The following ANKS1B variants were observed in gnomAD, a reference collection of about 807,000 sequenced individuals.
ANKS1B encodes the protein ankyrin repeat and sterile alpha motif domain containing 1B.
A neutral mutation model predicts 148.3 loss-of-function variants in ANKS1B; 36 were observed. The observed-to-expected ratio is 0.24, with a 90% confidence interval of 0.19 to 0.32. The LOEUF is 0.32. Among genes scored for constraint, ANKS1B ranks in the 10% least tolerant of loss-of-function variants. The pLI, the probability that ANKS1B is intolerant of heterozygous loss-of-function variation, is 1.00. For synonymous variants in ANKS1B, 542 were observed against 560.8 expected (o/e 0.97, Z 0.47); for missense variants, 1,157 against 1,542.6 (o/e 0.75, Z 4.19).
rs114199221 is a variant in ANKS1B at position 99,831,315 on chromosome 12, C to G, written c.135-5926G>C. ...GTCAATAATATTCAGTAATGGTTAG[C>G]ATGCAGAGCTTATAATAAGCTGGTG... On this transcript the variant is annotated intron_variant, in intron 1 of 26. Transcript: ENST00000683438. 7.9e-3 allele frequency among the ~76,000 whole-genome samples: 1,196 copies of G among 151,104 alleles called. 16 individuals carry two copies. The highest frequency in any genetic ancestry group is 0.027 in the African/African-American group (1,130 of 41,158).
intron 25 of ANKS1B, among the ~76,000 whole-genome samples, chr12:98,764,663 A>G: frequency 6.6e-6 from 1 of 152,192 alleles, no homozygotes. Flanking sequence ...GCAAATATAA[A>G]TGGCTTTTCC....
At chr12:99,892,860 A>C (rs866509010) in intron 1 of ANKS1B, among the ~76,000 whole-genome samples, 4 of 152,188 alleles carry the variant, frequency 2.6e-5, no homozygotes, top group Non-Finnish European at 5.9e-5. Flanking sequence ...TACAGATTGA[A>C]TATAGAGACT....
intron 8 of ANKS1B, among the ~76,000 whole-genome samples, chr12:99,753,545 T>C (rs975198245): frequency 6.6e-6 from 1 of 152,140 alleles, no homozygotes; most frequent in African/African-American, 2.4e-5. Flanking sequence ...GTAACAGTCT[T>C]TCCTTTTCAT....
chr12:99,812,562 G>GAC, intron 2 of ANKS1B, among the ~76,000 whole-genome samples: 1 of 43,256 alleles, frequency 2.3e-5, no homozygotes, highest in African/African-American at 1.1e-4. Context: ...CACACACAGA[G>GAC]AGAGAGAGAG....
In ANKS1B at chr12:98,755,266, G is replaced by A. The variant is rs58615510; in HGVS notation, c.3580-3744C>T. On this transcript the variant is annotated intron_variant, in intron 25 of 26. Coordinates refer to ENST00000683438, the MANE Select transcript of ANKS1B (RefSeq NM_001352186.2). ...CGGGAGGAGAGTTGCTATCATGTAC[G>A]AGGAGACTCTACCGGGATGAGGTTG... is the stretch of plus-strand genomic sequence containing the variant. Among the ~76,000 whole-genome samples the A allele has an allele frequency of 1.9e-3, 289 of 152,266 alleles. 4 individuals are homozygous for A. The East Asian group carries it at 0.045, about 24-fold the overall frequency.
chr12:99,058,973 G>C lies in ANKS1B; in HGVS notation c.2626-5664C>G, dbSNP rs181518346. Among the ~76,000 whole-genome samples the C allele has an allele frequency of 6.3e-3, 954 of 151,542 alleles. 15 individuals are homozygous for C. Among genetic ancestry groups the C allele is most frequent in the African/African-American group, 0.022 (911 of 41,310 alleles). Reference sequence around the variant, plus strand: ...AGGATGGTCTCGATCTCCTGACCTCGTGATCCGCCCGCCTCGGCCTCCCAA... The same window carrying C: ...AGGATGGTCTCGATCTCCTGACCTCCTGATCCGCCCGCCTCGGCCTCCCAA... On this transcript the variant is annotated intron_variant, in intron 16 of 26. Transcript: ENST00000683438.
intron 8 of ANKS1B, among the ~76,000 whole-genome samples, chr12:99,710,060 A>G (rs988635585): frequency 5.9e-5 from 9 of 152,114 alleles, no homozygotes; most frequent in Admixed American, 2.0e-4. Context: ...CATTTTCCGT[A>G]TTATAGTATC....
intron 3 of ANKS1B, among the ~76,000 whole-genome samples, 168 bp from the exon 4 acceptor site, chr12:99,806,868 C>A (rs1298822349): frequency 1.4e-5 from 2 of 144,650 alleles, no homozygotes; most frequent in South Asian, 2.1e-4. Context: ...ATCTAGGATT[C>A]ATTGAATCAA....
rs564898228 is a variant in ANKS1B, at chr12:99,976,156, T to C, written c.134+7948A>G. 2.0e-5 allele frequency among the ~76,000 whole-genome samples: 3 copies of C among 152,202 alleles called. No homozygotes were observed. In the South Asian group the frequency reaches 6.2e-4, roughly 32 times the overall value. On this transcript the variant is annotated intron_variant, in intron 1 of 26. Transcript: ENST00000683438. The stretch of plus-strand genomic sequence containing the variant: ...GTGGGAGCTAAATATAAAGCATATG[T>C]GGACATAAATAAGGGAACGAAAGAC...
chr12:99,732,581 G>A (rs2059266592), intron 8 of ANKS1B, among the ~76,000 whole-genome samples: 1 of 152,144 alleles, frequency 6.6e-6, no homozygotes, highest in Non-Finnish European at 1.5e-5. Flanking sequence ...GCCTCAGGGT[G>A]GGACTGTTGT....
At chr12:99,203,892 G>A (rs2082347442) in intron 14 of ANKS1B, among the ~76,000 whole-genome samples, 1 of 152,168 alleles carries the variant, frequency 6.6e-6, no homozygotes, top group Non-Finnish European at 1.5e-5. Flanking sequence ...TCAGGCCTGA[G>A]TCTTATTAAT....
chr12:98,871,712 A>G lies in ANKS1B; in HGVS notation c.2779-39576T>C, dbSNP rs555489374. Among the ~76,000 whole-genome samples, 6 of 152,320 alleles carry G rather than the reference A, an allele frequency of 3.9e-5. No homozygotes were observed. In the South Asian group the frequency reaches 1.0e-3, roughly 26 times the overall value. On this transcript the variant is annotated intron_variant, in intron 17 of 26. Transcript: ENST00000683438. ...GAGCTGTTTTTTTTTAATTAAAAAA[A>G]CCATATTCTTTATCTACATCTAGAT...
At chr12:98,854,610 T>C (rs2099552086) in intron 17 of ANKS1B, among the ~76,000 whole-genome samples, 1 of 152,254 alleles carries the variant, frequency 6.6e-6, no homozygotes, top group African/African-American at 2.4e-5. Flanking sequence ...CTTAATTGTT[T>C]AGAATATCAT....
intron 12 of ANKS1B, among the ~76,000 whole-genome samples, chr12:99,393,933 C>G (rs1328050871): frequency 2.6e-5 from 4 of 152,180 alleles, no homozygotes; most frequent in African/African-American, 9.7e-5. Context: ...AGCAAAACCA[C>G]AACCTATGTA....
chr12:98,743,379 CAATT>C (rs2097819807), downstream of ANKS1B, among the ~76,000 whole-genome samples: 1 of 152,096 alleles, frequency 6.6e-6, no homozygotes, highest in Non-Finnish European at 1.5e-5. Flanking sequence ...TAATAAGAAA[CAATT>C]AAATGGAGTA....
rs755547595 is a variant in ANKS1B, at chr12:99,246,621, T to C, written c.2000A>G (p.Lys667Arg). 1 of 1,613,464 alleles carries C rather than the reference T, an allele frequency of 6.2e-7. No individual in the cohort carries two copies. The highest frequency in any genetic ancestry group is 1.3e-5 in the African/African-American group (1 of 74,872). The part of the protein sequence containing the change: ...SEPLVKKIKP[K>R]VVSRTIFHKK... ...GTGAAAAATTGTTCTACTGACCACT[T>C]TGGGTTTAATTTTCTTTACCAAAGG... is the stretch of plus-strand genomic sequence containing the variant. Residue 667 changes from lysine to arginine, a missense_variant, in exon 13 of 27, where the codon AAA (lysine) becomes AGA (arginine). Lys to Arg is a conservative substitution (Grantham distance 26, BLOSUM62 2). Coordinates refer to ENST00000683438, the MANE Select transcript of ANKS1B (RefSeq NM_001352186.2).
At chr12:98,965,245 C>T (rs2099876840) in intron 17 of ANKS1B, among the ~76,000 whole-genome samples, 1 of 152,178 alleles carries the variant, frequency 6.6e-6, no homozygotes, top group Non-Finnish European at 1.5e-5. Flanking sequence ...CTCATGATTG[C>T]CTAGGTTCAA....
At chr12:99,704,928 A>G (rs1237282684) in intron 8 of ANKS1B, among the ~76,000 whole-genome samples, 1 of 152,084 alleles carries the variant, frequency 6.6e-6, no homozygotes, top group Admixed American at 6.6e-5. Context: ...CATAAAGACA[A>G]GCAGAACAAG....
At chr12:98,912,597 G>A (rs982731728) in intron 17 of ANKS1B, among the ~76,000 whole-genome samples, 2 of 152,138 alleles carry the variant, frequency 1.3e-5, no homozygotes, top group Admixed American at 6.5e-5. Flanking sequence ...TTGAAGGCAC[G>A]AATGGTCTCA....
Sources: allele counts gnomAD v4.1 joint callset (sites outside exome capture counted in the v4.1 genomes callset), GRCh38; gene constraint gnomAD v4.1.1; transcripts MANE v1.5; gene names NCBI Gene and HGNC (gene_info 2026-07-23, HGNC 2026-07-21).